TTC7B: variants seen among roughly 807,000 people sequenced by gnomAD.
The protein encoded by TTC7B is tetratricopeptide repeat domain 7B, also known as tetratricopeptide repeat protein 7B.
In TTC7B, 28 loss-of-function variants were observed where a neutral mutation model predicts 106.8. The observed-to-expected ratio is 0.26, with a 90% CI of 0.19 to 0.36. TTC7B has a LOEUF of 0.36. Ranked by LOEUF, TTC7B falls within the 10% of genes least tolerant of loss-of-function variation. The pLI, the probability that TTC7B is intolerant of heterozygous loss-of-function variation, is 1.00. For synonymous variants in TTC7B, 405 were observed against 430.6 expected (o/e 0.94, Z 0.74); for missense variants, 862 against 1,076.4 (o/e 0.80, Z 2.79).
rs889689637 is a variant in TTC7B, at chr14:90,547,395, C to T, written c.2311-5806G>A. 8.5e-5 allele frequency among the ~76,000 whole-genome samples: 13 copies of T among 152,374 alleles called. No homozygotes were observed. In the East Asian group the frequency reaches 1.3e-3, roughly 16 times the overall value. On this transcript the variant is annotated intron_variant, in intron 19 of 19. Coordinates refer to ENST00000328459, the MANE Select transcript of TTC7B (RefSeq NM_001010854.2). ...GACCTCAAGGGCGCCTGTGCCAGAG[C>T]CCCGGAAGGCTCCTGTGTGCAAGGT...
At chr14:90,718,610 C>T (rs1487842021) in intron 5 of TTC7B, among the ~76,000 whole-genome samples, 1 of 152,104 alleles carries the variant, frequency 6.6e-6, no homozygotes, top group Non-Finnish European at 1.5e-5. Flanking sequence ...TTCCATGAAG[C>T]CGGTCTGGGC....
At chr14:90,653,360 C>T (rs1885814193) in intron 12 of TTC7B, among the ~76,000 whole-genome samples, 1 of 152,192 alleles carries the variant, frequency 6.6e-6, no homozygotes, top group African/African-American at 2.4e-5. Context: ...CAGTCCTGGG[C>T]CACCGACAGT....
intron 19 of TTC7B, among the ~76,000 whole-genome samples, chr14:90,543,205 A>G (rs1889678611): frequency 6.6e-6 from 1 of 152,258 alleles, no homozygotes; most frequent in Non-Finnish European, 1.5e-5. Flanking sequence ...TGCAAAATTA[A>G]ATTTATTGAT....
At chr14:90,647,825 CA>C (rs1277372487) in intron 13 of TTC7B, among the ~76,000 whole-genome samples, 1 of 152,122 alleles carries the variant, frequency 6.6e-6, no homozygotes, top group Admixed American at 6.5e-5. Flanking sequence ...AAGAGAAAAA[CA>C]AACTTCTACT....
At chr14:90,596,597 AC>A (rs1892213863) in intron 17 of TTC7B, among the ~76,000 whole-genome samples, 1 of 152,198 alleles carries the variant, frequency 6.6e-6, no homozygotes, top group Non-Finnish European at 1.5e-5. Context: ...GCCACCTCCT[AC>A]AGGAAGGCTG....
chr14:90,590,086 G>A (rs1161984714), intron 18 of TTC7B, among the ~76,000 whole-genome samples: 1 of 152,146 alleles, frequency 6.6e-6, no homozygotes. Flanking sequence ...CCTGTGGTGG[G>A]GGTGACTGAG....
chr14:90,754,339 G>T (rs1475704925), intron 3 of TTC7B, among the ~76,000 whole-genome samples: 1 of 152,180 alleles, frequency 6.6e-6, no homozygotes, highest in Non-Finnish European at 1.5e-5. Flanking sequence ...CAGCAGAGTA[G>T]CTAAGACTGT....
At chr14:90,768,010 G>A (rs922826414) in intron 3 of TTC7B, among the ~76,000 whole-genome samples, 1 of 152,058 alleles carries the variant, frequency 6.6e-6, no homozygotes, top group African/African-American at 2.4e-5. Flanking sequence ...CCATACCAAG[G>A]CACATTATAG....
chr14:90,664,534 G>C (rs750441675), intron 9 of TTC7B, among the ~76,000 whole-genome samples: 18 of 152,318 alleles, frequency 1.2e-4, no homozygotes, highest in Non-Finnish European at 2.6e-4. Context: ...GCCTCCCAAA[G>C]TGCTGGGATT....
chr14:90,813,893 G>A (rs1416683462), intron 1 of TTC7B, among the ~76,000 whole-genome samples: 3 of 152,182 alleles, frequency 2.0e-5, no homozygotes, highest in Non-Finnish European at 2.9e-5. Context: ...GAGTGGGAAG[G>A]CCTCACCAGT....
chr14:90,803,582 T>C lies in TTC7B; in HGVS notation c.121+12593A>G, dbSNP rs552202990. Among the ~76,000 whole-genome samples the C allele has an allele frequency of 7.2e-5, 11 of 152,282 alleles. No homozygotes were observed. The South Asian group carries it at 1.0e-3, about 14-fold the overall frequency. On this transcript the variant is annotated intron_variant, in intron 1 of 19. Transcript: ENST00000328459. ...CAGAGGGCCTGGCTAGTTGGAACTC[T>C]TGACTGAAAAGCAAAGATGGCAAAA...
chr14:90,638,842 A>G (rs1241652383), intron 15 of TTC7B, among the ~76,000 whole-genome samples: 1 of 152,264 alleles, frequency 6.6e-6, no homozygotes, highest in Non-Finnish European at 1.5e-5. Flanking sequence ...CAGTGACAAG[A>G]CAGTGGCAAT....
At position 90,528,260 on chromosome 14, in the gene TTC7B, G is replaced by A. The variant is rs1889194235; in HGVS notation, c.*13108C>T. The A allele has an allele frequency of 6.6e-6, 1 of 152,258 alleles. No homozygotes were observed. The highest frequency in any genetic ancestry group is 2.4e-5 in the African/African-American group (1 of 41,470). 9.4% of individuals were successfully genotyped at this position (152,258 alleles called of 1,614,324 possible). A position where few individuals can be genotyped will look rare whatever the true frequency, so the allele number is the denominator to read the frequency against. ...GACAGAGAGCCTGGAGGAAGCTGGA[G>A]TCTGGGTTTCAGTGGCTACAGACAA... On this transcript the variant is annotated 3_prime_UTR_variant, in exon 20 of 20. Coordinates refer to ENST00000328459, the MANE Select transcript of TTC7B (RefSeq NM_001010854.2).
At position 90,539,797 on chromosome 14, in the gene TTC7B, C is replaced by G. The variant is rs1889511566; in HGVS notation, c.*1571G>C. On this transcript the variant is annotated 3_prime_UTR_variant, in exon 20 of 20. Transcript: ENST00000328459. ...ACTCTGTGGGATTCGGACTTTGGCTCAAACACCTCTACACCTTCTTCTCAT... is the reference window on the plus strand; with the variant it reads ...ACTCTGTGGGATTCGGACTTTGGCTGAAACACCTCTACACCTTCTTCTCAT... 1 of 152,314 alleles carries G rather than the reference C, an allele frequency of 6.6e-6. No individual in the cohort carries two copies. The allele number at this position is 152,314 out of a possible 1,614,324, so 9.4% of individuals were successfully genotyped here.
At chr14:90,589,866 G>C (rs1018864083) in intron 18 of TTC7B, among the ~76,000 whole-genome samples, 9 of 152,326 alleles carry the variant, frequency 5.9e-5, no homozygotes, top group African/African-American at 2.2e-4. Flanking sequence ...CTGAATTTAA[G>C]ATTAAAATCT....
At chr14:90,619,118 G>T (rs1236091070) in intron 15 of TTC7B, among the ~76,000 whole-genome samples, 2 of 152,170 alleles carry the variant, frequency 1.3e-5, no homozygotes, top group African/African-American at 4.8e-5. Flanking sequence ...TGGCTAGACT[G>T]GTCTTGAGCT....
chr14:90,618,174 G>T, intron 15 of TTC7B, 129 bp from the exon 16 acceptor site: 1 of 641,516 alleles, frequency 1.6e-6, no homozygotes, highest in Non-Finnish European at 2.7e-6. Flanking sequence ...ATCCACATGT[G>T]TGGTCCAAGG....
At chr14:90,772,150 C>A (rs1441389245) in intron 3 of TTC7B, among the ~76,000 whole-genome samples, 1 of 151,828 alleles carries the variant, frequency 6.6e-6, no homozygotes, top group African/African-American at 2.4e-5. Flanking sequence ...CCTCACACTA[C>A]AGGAAGGAAA....
At chr14:90,634,120 A>T (rs935526414) in intron 15 of TTC7B, among the ~76,000 whole-genome samples, 1 of 152,118 alleles carries the variant, frequency 6.6e-6, no homozygotes, top group African/African-American at 2.4e-5. Flanking sequence ...CAGGTGATCC[A>T]CCTGCCTCGG....
Sources: allele counts gnomAD v4.1 joint callset (sites outside exome capture counted in the v4.1 genomes callset), GRCh38; gene constraint gnomAD v4.1.1; transcripts MANE v1.5; gene names NCBI Gene and HGNC (gene_info 2026-07-23, HGNC 2026-07-21).